Variants in MORN1 observed in about 807,000 individuals in gnomAD.
MORN1 encodes the protein MORN repeat-containing protein 1.
MORN1 carries 67 observed loss-of-function variants against 61.9 expected under a neutral mutation model. The ratio of observed to expected loss-of-function variants is 1.08; its 90% confidence interval spans 0.89 to 1.33. The LOEUF (loss-of-function observed/expected upper bound fraction) is 1.33, where lower values mean the gene tolerates loss of function less well. MORN1 is among the 40% of genes most tolerant of loss of function. The pLI is 0.00. For missense variants in MORN1, 752 were observed against 691.2 expected (o/e 1.09, Z -0.99); for synonymous variants, 301 against 292.0 (o/e 1.03, Z -0.31).
chr1:2,375,733 G>A (rs1380473839), intron 6 of MORN1: 2 of 152,270 alleles, frequency 1.3e-5, no homozygotes, highest in Non-Finnish European at 2.9e-5. Flanking sequence ...AGCCAGCTCG[G>A]GGTGCCAGGT....
chr1:2,352,152 C>A, intron 10 of MORN1: 3 of 344,838 alleles, frequency 8.7e-6, no homozygotes, highest in East Asian at 6.9e-5. Context: ...CCTGGTTCTG[C>A]ATTAATAATA....
At chr1:2,333,754 CAGTG>C (rs1641209665) in intron 12 of MORN1, among the ~76,000 whole-genome samples, 2 of 152,230 alleles carry the variant, frequency 1.3e-5, no homozygotes, top group Non-Finnish European at 2.9e-5. Context: ...TGCCTGCCGA[CAGTG>C]AGCCCTCTCC....
intron 13 of MORN1, chr1:2,323,774 G>C (rs562143452): frequency 1.0e-6 from 1 of 985,174 alleles, no homozygotes; most frequent in East Asian, 1.1e-4. Context: ...AGCTCCCCTC[G>C]GCTCCCCTTG....
rs148738168 is a variant in MORN1 at position 2,372,710 on chromosome 1, A to G, written c.635-119T>C. 2,159 of 706,716 alleles carry G rather than the reference A, an allele frequency of 3.1e-3. 8 individuals carry two copies. The highest frequency in any genetic ancestry group is 8.2e-3 in the South Asian group (451 of 54,988). 43.8% of individuals were successfully genotyped at this position (706,716 alleles called of 1,614,324 possible). ...CAGAGCCCAGTGTGGCAGCTGGAAC[A>G]CAAGCACATGCGGGGGCCGACCCTC... On this transcript the variant is annotated intron_variant, in intron 7 of 13. Transcript: ENST00000378531. This position sits in a 1 kb window ranked among gnomAD's most constrained non-coding sequence, Gnocchi z 5.4.
chr1:2,364,901 C>T (rs1451721932), intron 8 of MORN1, among the ~76,000 whole-genome samples: 1 of 152,092 alleles, frequency 6.6e-6, no homozygotes, highest in African/African-American at 2.4e-5. Context: ...GAGGGCTCTG[C>T]TCTGTTCCAT....
Position 2,333,414 on chromosome 1 carries a change from C to T in MORN1, c.1250+3055G>A, listed in dbSNP as rs531624881. ...CTGGGGACAGCTGGTGAGTGAGTGACAGCTGAGTGCAGTGAGTGGCCTCGG... is the reference window on the plus strand; with the variant it reads ...CTGGGGACAGCTGGTGAGTGAGTGATAGCTGAGTGCAGTGAGTGGCCTCGG... On this transcript the variant is annotated intron_variant, in intron 12 of 13. Transcript: ENST00000378531. 2.9e-4 allele frequency among the ~76,000 whole-genome samples: 44 copies of T among 152,336 alleles called. No homozygotes were observed. The South Asian group carries it at 8.5e-3, about 29-fold the overall frequency.
In MORN1 at chr1:2,337,264, T is replaced by C. The variant is rs1214567198; in HGVS notation, c.1037-414A>G. ...TGTGTGCCCTCCTCGGAGCGCAGCA[T>C]GAGGAGGAAGATGGTTCTGCCCCAG... On this transcript the variant is annotated intron_variant, in intron 10 of 13. Transcript: ENST00000378531. This position sits in a 1 kb window ranked among gnomAD's most constrained non-coding sequence, Gnocchi z 5.7. Among the ~76,000 whole-genome samples the C allele has an allele frequency of 6.6e-6, 1 of 152,132 alleles. No individual in the cohort carries two copies. Among genetic ancestry groups the C allele is most frequent in the African/African-American group, 2.4e-5 (1 of 41,404 alleles).
chr1:2,324,267 T>G (rs1357056472), intron 12 of MORN1, 124 bp from the exon 13 acceptor site: 3 of 964,736 alleles, frequency 3.1e-6, no homozygotes, highest in Non-Finnish European at 4.6e-6. Context: ...AGCAGAGGCC[T>G]GCGAACCCCA....
chr1:2,322,804 C>G (rs1291481227), intron 13 of MORN1: 1 of 985,352 alleles, frequency 1.0e-6, no homozygotes, highest in Non-Finnish European at 1.2e-6. Context: ...GGCTGAGGAG[C>G]CCGGCCACAG....
At chr1:2,355,546 G>A (rs775501830) in intron 10 of MORN1, 12 of 1,461,022 alleles carry the variant, frequency 8.2e-6, no homozygotes, top group South Asian at 6.1e-5. Context: ...GCAGGGGCAC[G>A]GGCATGGAGG....
intron 12 of MORN1, among the ~76,000 whole-genome samples, chr1:2,333,324 C>T (rs1241753387): frequency 6.6e-6 from 1 of 152,196 alleles, no homozygotes; most frequent in Non-Finnish European, 1.5e-5. Flanking sequence ...GCAGCCGGGT[C>T]AGCCCCGGGC....
intron 10 of MORN1, chr1:2,352,515 T>C (rs1183757046): frequency 2.6e-5 from 4 of 152,408 alleles, no homozygotes; most frequent in South Asian, 2.1e-4. Context: ...TGGCAGGGCG[T>C]TGGGGAAGCC....
At chr1:2,325,128 TTCCTTCCCTCCCTCCCTCCC>T (rs1640983011) in intron 12 of MORN1, among the ~76,000 whole-genome samples, 2 of 87,988 alleles carry the variant, frequency 2.3e-5, no homozygotes, top group East Asian at 6.8e-4. Context: ...CTTCCCTTCC[TTCCTTCCCTCCCTCCCTCCC>T]TTCCTTCCCT....
Position 2,357,723 on chromosome 1 carries a change from G to T in MORN1, c.870-125C>A, listed in dbSNP as rs958229491. On this transcript the variant is annotated intron_variant, in intron 9 of 13. Transcript: ENST00000378531. This position sits in a 1 kb window ranked among gnomAD's most constrained non-coding sequence, Gnocchi z 6.3. ...CACTGAGTCCAGGGAGCGCTACTCA[G>T]CCTCTCTGGGAGGTCTCCTGCTGGG... is the stretch of plus-strand genomic sequence containing the variant. The T allele has an allele frequency of 4.4e-6, 5 of 1,148,138 alleles. No individual in the cohort carries two copies. The East Asian group carries it at 8.6e-5, about 20-fold the overall frequency. The allele number at this position is 1,148,138 out of a possible 1,614,324, so 71.1% of individuals were successfully genotyped here.
At chr1:2,325,153 T>C (rs1382820459) in intron 12 of MORN1, among the ~76,000 whole-genome samples, 98 of 102,122 alleles carry the variant, frequency 9.6e-4, no homozygotes, top group Middle Eastern at 4.6e-3. Flanking sequence ...CCTCCCTTCC[T>C]TCCCTCCCTT....
In MORN1 at chr1:2,372,170, G is replaced by T; in HGVS notation, c.745+311C>A. 3.6e-6 allele frequency: 1 copy of T among 274,192 alleles called. No individual in the cohort carries two copies. The highest frequency in any genetic ancestry group is 4.3e-5 in the South Asian group (1 of 23,148). 17.0% of individuals were successfully genotyped at this position (274,192 alleles called of 1,614,324 possible). A position where few individuals can be genotyped will look rare whatever the true frequency, so the allele number is the denominator to read the frequency against. On this transcript the variant is annotated intron_variant, in intron 8 of 13. Coordinates refer to ENST00000378531, the MANE Select transcript of MORN1 (RefSeq NM_024848.3). The surrounding 1 kb of genome is among the most constrained non-coding windows in gnomAD (Gnocchi z 5.4). ...GAAGGACACTCTGACACACGTGCAC[G>T]CGTGCCCCCCCACACGTATACACAT...
intron 10 of MORN1, chr1:2,350,899 TG>T (rs889926937): frequency 6.6e-6 from 1 of 152,390 alleles, no homozygotes; most frequent in Non-Finnish European, 1.5e-5. Flanking sequence ...ATTTCAGGTC[TG>T]ACTCATGTCC....
chr1:2,370,610 G>A lies in MORN1; in HGVS notation c.745+1871C>T, dbSNP rs188324838. Among the ~76,000 whole-genome samples the A allele has an allele frequency of 3.1e-4, 47 of 152,056 alleles. No individual in the cohort carries two copies. The South Asian group carries it at 7.3e-3, about 24-fold the overall frequency. ...CATATCTGATAAAGGACTTATATCC[G>A]CAATAGGTAAAGAACTCTATAGCTA... is the stretch of plus-strand genomic sequence containing the variant. On this transcript the variant is annotated intron_variant, in intron 8 of 13. Transcript: ENST00000378531.
chr1:2,386,834 GGGACTACGGCCC>G (rs1202765521), intron 4 of MORN1: 1 of 154,544 alleles, frequency 6.5e-6, no homozygotes, highest in Admixed American at 6.4e-5. Flanking sequence ...TTTTGGCTGT[GGGACTACGGCCC>G]GTGCTGGGCC....
Sources: gnomAD v4.1 joint callset for allele counts (sites outside exome capture counted in the v4.1 genomes callset) on GRCh38, gnomAD v4.1.1 for gene constraint, Gnocchi (gnomAD v3.1) non-coding constraint, MANE v1.5 for transcripts, NCBI Gene and HGNC (gene_info 2026-07-23, HGNC 2026-07-21) for gene names.